OXR1: variants seen among roughly 807,000 people sequenced by gnomAD.
OXR1 encodes oxidation resistance protein 1.
A neutral mutation model predicts 104.6 loss-of-function variants in OXR1; 41 were observed. The ratio of observed to expected loss-of-function variants is 0.39; its 90% CI spans 0.31 to 0.51. The LOEUF (loss-of-function observed/expected upper bound fraction) is 0.51. Ranked by LOEUF, OXR1 falls within the 20% of genes least tolerant of loss-of-function variation. The pLI is 0.77. For missense variants in OXR1, 955 were observed against 1,031.9 expected (o/e 0.93, Z 1.02); for synonymous variants, 348 against 348.4 (o/e 1.00, Z 0.01).
chr8:106,495,101 T>C (rs80060166), intron 2 of OXR1, among the ~76,000 whole-genome samples: 1,891 of 152,096 alleles, frequency 0.012, 31 homozygotes, highest in East Asian at 0.08. Context: ...TAAATGAATA[T>C]AGGTATTGGT....
At position 106,402,990 on chromosome 8, in the gene OXR1, T is replaced by G. The variant is rs146463871; in HGVS notation, c.23+43354T>G. ...CGTCCACCACCACGCCTGGCTAAAT[T>G]TTTGTATTTTTAGTACAGACGGGGT... On this transcript the variant is annotated intron_variant, in intron 2 of 16. Coordinates refer to ENST00000517566, the MANE Select transcript of OXR1 (RefSeq NM_001198533.2). Among the ~76,000 whole-genome samples the G allele has an allele frequency of 9.2e-3, 1,403 of 152,062 alleles. 8 individuals carry two copies. The highest frequency in any genetic ancestry group is 0.014 in the Admixed American group (217 of 15,276).
chr8:106,461,017 T>G (rs773783258), intron 2 of OXR1, among the ~76,000 whole-genome samples: 1 of 152,042 alleles, frequency 6.6e-6, no homozygotes, highest in Non-Finnish European at 1.5e-5. Context: ...CAAGCAGATG[T>G]TTAGCCTGAA....
chr8:106,436,139 A>C (rs969463528), intron 2 of OXR1, among the ~76,000 whole-genome samples: 2 of 152,086 alleles, frequency 1.3e-5, no homozygotes, highest in African/African-American at 4.8e-5. Context: ...GCTAGTAATT[A>C]TTGAAATTGA....
intron 3 of OXR1, among the ~76,000 whole-genome samples, chr8:106,596,177 G>T (rs985329361): frequency 1.0e-3 from 157 of 152,132 alleles, no homozygotes; most frequent in African/African-American, 3.7e-3. Context: ...TGGATGCAGT[G>T]GCTCACATCT....
intron 3 of OXR1, among the ~76,000 whole-genome samples, chr8:106,589,250 G>T (rs1295794567): frequency 6.6e-6 from 1 of 152,110 alleles, no homozygotes; most frequent in Admixed American, 6.5e-5. Context: ...CCTCCAGGTG[G>T]GAGAGAGTTC....
At chr8:106,464,701 G>A (rs1038991913) in intron 2 of OXR1, among the ~76,000 whole-genome samples, 7 of 152,120 alleles carry the variant, frequency 4.6e-5, no homozygotes, top group Admixed American at 3.3e-4. Flanking sequence ...CATAGTTGTT[G>A]AGTGGCAGGT....
At chr8:106,637,519 A>G (rs956871821) in intron 3 of OXR1, among the ~76,000 whole-genome samples, 4 of 152,338 alleles carry the variant, frequency 2.6e-5, no homozygotes, top group African/African-American at 7.2e-5. Flanking sequence ...AAAACCAGAC[A>G]TATTTATAAA....
At chr8:106,576,021 C>A (rs201941615) in intron 3 of OXR1, among the ~76,000 whole-genome samples, 5 of 146,802 alleles carry the variant, frequency 3.4e-5, no homozygotes, top group African/African-American at 1.2e-4. Context: ...CACACACACA[C>A]AAAACCCTGA....
At chr8:106,608,844 A>C (rs1820598970) in intron 3 of OXR1, among the ~76,000 whole-genome samples, 1 of 152,202 alleles carries the variant, frequency 6.6e-6, no homozygotes, top group Admixed American at 6.5e-5. Context: ...TAGGTTTGGA[A>C]TGCTGATGGG....
At chr8:106,701,578 T>G (rs527522041) in intron 7 of OXR1, among the ~76,000 whole-genome samples, 1 of 152,324 alleles carries the variant, frequency 6.6e-6, no homozygotes, top group East Asian at 1.9e-4. Flanking sequence ...TCTTCATTTT[T>G]ACAGTTACAG....
At position 106,658,723 on chromosome 8, in the gene OXR1, T is replaced by C. The variant is rs796896606; in HGVS notation, c.221-20487T>C. On this transcript the variant is annotated intron_variant, in intron 3 of 16. Coordinates refer to ENST00000517566, the MANE Select transcript of OXR1 (RefSeq NM_001198533.2). ...GTTGACATTTTGCGTCGTGTACTTT[T>C]TGAACGGCTGCACGTTGTCTTGTGG... 4.6e-5 allele frequency among the ~76,000 whole-genome samples: 7 copies of C among 152,092 alleles called. No individual in the cohort carries two copies. The South Asian group carries it at 1.5e-3, about 32-fold the overall frequency.
intron 2 of OXR1, among the ~76,000 whole-genome samples, chr8:106,385,837 C>T (rs1031478672): frequency 2.6e-5 from 4 of 152,138 alleles, no homozygotes; most frequent in African/African-American, 9.7e-5. Flanking sequence ...GATATCCACC[C>T]TGCTCCCATT....
intron 15 of OXR1, among the ~76,000 whole-genome samples, chr8:106,744,201 CTTAAAAG>C (rs910480281): frequency 4.6e-5 from 7 of 152,174 alleles, no homozygotes; most frequent in East Asian, 3.9e-4. Context: ...TACTCCTGAA[CTTAAAAG>C]TTAAAGGAAA....
At chr8:106,394,276 T>C (rs1586599181) in intron 2 of OXR1, among the ~76,000 whole-genome samples, 2 of 148,704 alleles carry the variant, frequency 1.3e-5, no homozygotes, top group South Asian at 2.1e-4. Context: ...GTATATTTAA[T>C]AGATATGCTA....
chr8:106,534,892 A>C (rs754656116), intron 3 of OXR1, among the ~76,000 whole-genome samples: 2 of 152,222 alleles, frequency 1.3e-5, no homozygotes, highest in Non-Finnish European at 2.9e-5. Context: ...TTAGCTTGGG[A>C]AAATACATTA....
chr8:106,709,259 T>G (rs560288207), intron 9 of OXR1, among the ~76,000 whole-genome samples: 75 of 152,276 alleles, frequency 4.9e-4, no homozygotes, highest in Non-Finnish European at 6.3e-4. Context: ...ACTATACTGT[T>G]GTATCCTGCT....
chr8:106,339,832 T>C (rs1815166488), intron 1 of OXR1, among the ~76,000 whole-genome samples: 2 of 151,970 alleles, frequency 1.3e-5, no homozygotes, highest in South Asian at 4.1e-4. Context: ...TTTACAGATA[T>C]AAAACTAAGG....
chr8:106,631,171 CTGTGTA>C (rs1161266794), intron 3 of OXR1, among the ~76,000 whole-genome samples: 5 of 152,164 alleles, frequency 3.3e-5, no homozygotes, highest in East Asian at 1.9e-4. Context: ...TGACTTAACC[CTGTGTA>C]TGTTTGATCA....
At chr8:106,323,357 T>C (rs1379160482) in intron 1 of OXR1, among the ~76,000 whole-genome samples, 1 of 152,080 alleles carries the variant, frequency 6.6e-6, no homozygotes, top group Non-Finnish European at 1.5e-5. Context: ...TTACACCATA[T>C]ACAAAAGTCA....
Sources: allele counts gnomAD v4.1 joint callset (sites outside exome capture counted in the v4.1 genomes callset), GRCh38; gene constraint gnomAD v4.1.1; transcripts MANE v1.5; gene names NCBI Gene and HGNC (gene_info 2026-07-23, HGNC 2026-07-21).